DOCK1: variants seen among roughly 807,000 people sequenced by gnomAD.
DOCK1 encodes dedicator of cytokinesis protein 1.
DOCK1 carries 138 observed loss-of-function variants against 262.7 expected under a neutral mutation model. The ratio of observed to expected loss-of-function variants is 0.53; its 90% CI spans 0.46 to 0.61. The LOEUF (loss-of-function observed/expected upper bound fraction) is 0.61. Among genes scored for constraint, DOCK1 ranks in the 20% least tolerant of loss-of-function variants. The probability of loss-of-function intolerance (pLI) is 0.00; values close to 1 mark genes in which losing one functional copy is unlikely to be tolerated. For synonymous variants in DOCK1, 866 were observed against 867.4 expected, an observed-to-expected ratio of 1.00 and a Z score of 0.03; for missense variants, 1,908 against 2,370.7, an observed-to-expected ratio of 0.80 and a Z score of 4.05.
chr10:127,209,076 A>G (rs908015487), intron 27 of DOCK1, among the ~76,000 whole-genome samples: 2 of 152,168 alleles, frequency 1.3e-5, no homozygotes, highest in African/African-American at 4.8e-5. Flanking sequence ...CTTTGAATTT[A>G]TCTTCTCACT....
chr10:126,943,341 C>T (rs2035160677), intron 1 of DOCK1, among the ~76,000 whole-genome samples: 1 of 152,180 alleles, frequency 6.6e-6, no homozygotes, highest in Admixed American at 6.5e-5. Flanking sequence ...TTTCTGAGGT[C>T]AAGAGAGTAG....
At chr10:126,962,232 T>C (rs1315210140) in intron 1 of DOCK1, among the ~76,000 whole-genome samples, 2 of 151,836 alleles carry the variant, frequency 1.3e-5, no homozygotes, top group Non-Finnish European at 2.9e-5. Flanking sequence ...CAATCTTGGC[T>C]CACTGCAACC....
rs531033191 is a variant in DOCK1 at position 127,035,449 on chromosome 10, C to G, written c.1913-2270C>G. Among the ~76,000 whole-genome samples, 98 of 152,252 alleles carry G rather than the reference C, an allele frequency of 6.4e-4. 4 individuals carry two copies. In the South Asian group the frequency reaches 0.018, roughly 28 times the overall value. On this transcript the variant is annotated intron_variant, in intron 18 of 51. Transcript: ENST00000623213. ...TGGGGTGGGACTCATCTGCCTTGGGCAGCCTCATGGGGGCTGGACAAGCCC... is the reference window on the plus strand; with the variant it reads ...TGGGGTGGGACTCATCTGCCTTGGGGAGCCTCATGGGGGCTGGACAAGCCC...
intron 27 of DOCK1, among the ~76,000 whole-genome samples, chr10:127,178,712 TAGAG>T (rs550001028): frequency 1.3e-5 from 2 of 152,110 alleles, no homozygotes; most frequent in Non-Finnish European, 2.9e-5. Context: ...TGGGCAGTTT[TAGAG>T]AGGAGAGAAA....
intron 18 of DOCK1, among the ~76,000 whole-genome samples, chr10:127,034,894 C>CG (rs2043488960): frequency 6.6e-6 from 1 of 152,154 alleles, no homozygotes; most frequent in Non-Finnish European, 1.5e-5. Flanking sequence ...GACATCCCCC[C>CG]GGGGGGTGGG....
rs1239327801 is a variant in DOCK1, at chr10:126,934,138, A to AT, written c.46+28586dup. 6.6e-3 allele frequency among the ~76,000 whole-genome samples: 975 copies of AT among 148,498 alleles called. 9 individuals carry two copies. Among genetic ancestry groups the AT allele is most frequent in the African/African-American group, 0.021 (857 of 40,782 alleles). ...AACCTATTTTACTCTTAAAACTCAGATTTTTTTTTTTGAGACTAAGTTTCA... is the reference window on the plus strand; with the variant it reads ...AACCTATTTTACTCTTAAAACTCAGATTTTTTTTTTTTGAGACTAAGTTTCA... On this transcript the variant is annotated intron_variant, in intron 1 of 51. Transcript: ENST00000623213.
chr10:127,354,578 G>A, intron 31 of DOCK1, 91 bp from the exon 32 acceptor site: 2 of 1,480,756 alleles, frequency 1.4e-6, no homozygotes, highest in Non-Finnish European at 1.9e-6. Flanking sequence ...CTCAGTGCTA[G>A]AAGGCTTTAA....
chr10:126,991,869 A>G (rs185826865), intron 6 of DOCK1, among the ~76,000 whole-genome samples: 3 of 152,268 alleles, frequency 2.0e-5, no homozygotes, highest in East Asian at 3.9e-4. Flanking sequence ...GTTGTGCTGG[A>G]CAGCAGATTT....
At chr10:127,026,059 C>CAA (rs71490104) in intron 15 of DOCK1, 41,907 of 229,592 alleles carry the variant, frequency 0.18, 2,795 homozygotes, top group Admixed American at 0.26. Flanking sequence ...AACTCTGTAT[C>CAA]AAAAAAAAAA....
chr10:127,348,579 G>A (rs969522824), intron 31 of DOCK1, among the ~76,000 whole-genome samples: 2 of 152,218 alleles, frequency 1.3e-5, no homozygotes, highest in African/African-American at 2.4e-5. Flanking sequence ...GCTCAGTGCA[G>A]AGAGACCATC....
chr10:127,422,772 T>C (rs2068592253), intron 46 of DOCK1, among the ~76,000 whole-genome samples: 1 of 152,196 alleles, frequency 6.6e-6, no homozygotes. Flanking sequence ...GATTTTTTAC[T>C]AAAGGGTACG....
At chr10:127,140,125 G>C (rs1319504201) in intron 27 of DOCK1, among the ~76,000 whole-genome samples, 1 of 152,176 alleles carries the variant, frequency 6.6e-6, no homozygotes, top group Non-Finnish European at 1.5e-5. Context: ...TTAGAACAGA[G>C]AGAAGGCGCT....
intron 11 of DOCK1, among the ~76,000 whole-genome samples, chr10:127,009,269 G>T (rs1457955734): frequency 6.6e-6 from 1 of 152,128 alleles, no homozygotes; most frequent in Non-Finnish European, 1.5e-5. Flanking sequence ...TTGTGTCTCG[G>T]TTTTTGCTTA....
At chr10:127,161,081 T>C (rs1476489291) in intron 27 of DOCK1, among the ~76,000 whole-genome samples, 3 of 152,236 alleles carry the variant, frequency 2.0e-5, no homozygotes, top group South Asian at 2.1e-4. Flanking sequence ...CTCTGAGCAG[T>C]AGATTTGGCT....
chr10:127,065,040 C>T (rs561046161), intron 23 of DOCK1, among the ~76,000 whole-genome samples: 56 of 152,186 alleles, frequency 3.7e-4, no homozygotes, highest in African/African-American at 1.3e-3. Context: ...GACGGAGACT[C>T]GCTCAGTCTC....
At chr10:127,228,337 C>T (rs896722043) in intron 27 of DOCK1, among the ~76,000 whole-genome samples, 2 of 152,116 alleles carry the variant, frequency 1.3e-5, no homozygotes, top group Non-Finnish European at 2.9e-5. Context: ...GTGCGTCACC[C>T]CCACGCTGCC....
At chr10:127,301,795 A>G (rs1257290707) in intron 29 of DOCK1, among the ~76,000 whole-genome samples, 3 of 151,916 alleles carry the variant, frequency 2.0e-5, no homozygotes, top group Non-Finnish European at 4.4e-5. Flanking sequence ...AAAGTAGAAA[A>G]ATTAGCTGGG....
At chr10:126,927,427 C>T (rs889637198) in intron 1 of DOCK1, among the ~76,000 whole-genome samples, 3 of 151,972 alleles carry the variant, frequency 2.0e-5, no homozygotes, top group East Asian at 1.9e-4. Context: ...AGAGGATGTC[C>T]GTGAGTTACT....
chr10:126,913,939 A>G (rs1215526679), intron 1 of DOCK1, among the ~76,000 whole-genome samples: 4 of 152,190 alleles, frequency 2.6e-5, no homozygotes, highest in South Asian at 2.1e-4. Flanking sequence ...TGGTGATAAC[A>G]CCAACCTCTT....
Sources: gnomAD v4.1 joint callset for allele counts (sites outside exome capture counted in the v4.1 genomes callset) on GRCh38, gnomAD v4.1.1 for gene constraint, MANE v1.5 for transcripts, NCBI Gene and HGNC (gene_info 2026-07-23, HGNC 2026-07-21) for gene names.